The following GRTP1 variants were observed in gnomAD, a reference collection of about 807,000 sequenced individuals.
GRTP1 encodes growth hormone regulated TBC protein 1.
GRTP1 carries 56 observed loss-of-function variants against 38.1 expected under a neutral mutation model. That is an observed-to-expected ratio of 1.47 (90% CI 1.19 to 1.84). The LOEUF is 1.84. GRTP1 is among the 40% of genes most tolerant of loss of function. The probability of loss-of-function intolerance (pLI) is 0.00; values close to 1 mark genes in which losing one functional copy is unlikely to be tolerated. For synonymous variants in GRTP1, 217 were observed against 189.5 expected (o/e 1.14, Z -1.19); for missense variants, 506 against 453.9 (o/e 1.11, Z -1.04).
intron 4 of GRTP1, among the ~76,000 whole-genome samples, chr13:113,350,614 C>T (rs559368178): frequency 1.8e-4 from 28 of 152,108 alleles, no homozygotes; most frequent in Non-Finnish European, 3.5e-4. Flanking sequence ...ACAGCACTCG[C>T]CCTCTGTGTC....
intron 7 of GRTP1, chr13:113,325,047 C>G: frequency 2.3e-6 from 2 of 878,828 alleles, no homozygotes; most frequent in South Asian, 9.7e-5. Flanking sequence ...CCAGGCTGGT[C>G]TTGAACTCCT....
intron 4 of GRTP1, among the ~76,000 whole-genome samples, chr13:113,347,674 G>A (rs1370844621): frequency 7.8e-5 from 6 of 76,988 alleles, no homozygotes; most frequent in East Asian, 2.6e-4. Context: ...GGACCTCTGT[G>A]GCAGAGAGCA....
At chr13:113,324,713 G>C in intron 7 of GRTP1, 136 bp from the exon 8 acceptor site, 1 of 1,433,950 alleles carries the variant, frequency 7.0e-7, no homozygotes, top group Non-Finnish European at 9.2e-7. Context: ...CTTCTGGGGT[G>C]ACCCACAGAT....
Position 113,326,069 on chromosome 13 carries a change from C to T in GRTP1, c.585G>A (p.Leu195=). ...ILPDYYSPAM[L]GLKTDQEVLG... is the part of the protein sequence containing the mutation. ...GGACCTCCTGGTCGGTCTTCAGGCC[C>T]AGCATGGCCGGGCTGTAGTAATCTG... Residue 195 remains leucine, a synonymous_variant, in exon 6 of 8, where the codon CTG becomes CTA. Coordinates refer to ENST00000375431, the MANE Select transcript of GRTP1 (RefSeq NM_024719.4). 3 of 1,610,972 alleles carry T rather than the reference C, an allele frequency of 1.9e-6. No individual in the cohort carries two copies. Among genetic ancestry groups the T allele is most frequent in the Non-Finnish European group, 1.7e-6 (2 of 1,179,960 alleles).
Position 113,324,559 on chromosome 13 carries a change from C to T in GRTP1, c.940G>A (p.Gly314Arg), listed in dbSNP as rs1211683954. Residue 314 changes from glycine (G) to arginine (R), a missense_variant, in exon 8 of 8, where the codon GGA becomes AGA. By Grantham distance (125) the Gly-to-Arg change is moderately radical. Transcript: ENST00000375431. ...TFMQKIFSEPGSLSMATVAKL... is the reference protein window; with the variant it reads ...TFMQKIFSEPRSLSMATVAKL... ...GCGACGGTGGCCATGGATAAGCTTC[C>T]AGGTTCTGAAAATATTTTCTGGAAG... The T allele has an allele frequency of 6.2e-7, 1 of 1,609,900 alleles. No individual in the cohort carries two copies. Among genetic ancestry groups the T allele is most frequent in the Non-Finnish European group, 8.5e-7 (1 of 1,178,370 alleles).
At chr13:113,331,164 G>GTGTGTTGTCTGTGCAT (rs2042865421) in intron 5 of GRTP1, among the ~76,000 whole-genome samples, 1 of 152,168 alleles carries the variant, frequency 6.6e-6, no homozygotes, top group Admixed American at 6.5e-5. Flanking sequence ...GTGTGTGCAT[G>GTGTGTTGTCTGTGCAT]GAAACCGGTC....
intron 5 of GRTP1, among the ~76,000 whole-genome samples, chr13:113,330,163 G>A (rs2042838919): frequency 6.6e-6 from 1 of 150,474 alleles, no homozygotes; most frequent in African/African-American, 2.5e-5. Flanking sequence ...TCAGGTGCGT[G>A]CATGGGAGCC....
chr13:113,326,055 T>G lies in GRTP1; in HGVS notation c.599A>C (p.Asp200Ala). The G allele has an allele frequency of 1.2e-6, 2 of 1,611,650 alleles. No homozygotes were observed. The highest frequency in any genetic ancestry group is 2.2e-5 in the South Asian group (2 of 91,012). Residue 200 changes from aspartate (D) to alanine (A), a missense_variant, in exon 6 of 8, where the codon GAC becomes GCC. By Grantham distance (126) the Asp-to-Ala change is moderately radical. Transcript: ENST00000375431. ...YSPAMLGLKTDQEVLGELVRA... is the reference protein window; with the variant it reads ...YSPAMLGLKTAQEVLGELVRA... The stretch of plus-strand genomic sequence containing the variant: ...CACCAGCTCCCCGAGGACCTCCTGG[T>G]CGGTCTTCAGGCCCAGCATGGCCGG...
chr13:113,334,505 C>A, intron 5 of GRTP1, among the ~76,000 whole-genome samples: 1 of 152,126 alleles, frequency 6.6e-6, no homozygotes, highest in East Asian at 1.9e-4. Flanking sequence ...ACCACTCTTG[C>A]GGATTCTCAA....
intron 5 of GRTP1, chr13:113,339,311 T>G (rs1290255188): frequency 6.6e-6 from 1 of 152,218 alleles, no homozygotes. Context: ...GCAGCTTATC[T>G]TTTTACTTTG....
chr13:113,341,085 C>A (rs777452346), intron 5 of GRTP1, among the ~76,000 whole-genome samples: 1 of 150,352 alleles, frequency 6.7e-6, no homozygotes, highest in Non-Finnish European at 1.5e-5. Context: ...CTCACTCTGT[C>A]GCCCAGGCTG....
chr13:113,326,047 C>T lies in GRTP1; in HGVS notation c.607G>A (p.Val203Ile), dbSNP rs752731254. ...TTCGCCCGCACCAGCTCCCCGAGGACCTCCTGGTCGGTCTTCAGGCCCAGC... is the reference window on the plus strand; with the variant it reads ...TTCGCCCGCACCAGCTCCCCGAGGATCTCCTGGTCGGTCTTCAGGCCCAGC... ...AMLGLKTDQE[V>I]LGELVRAKLP... Residue 203 changes from valine to isoleucine, a missense_variant, in exon 6 of 8, where the codon GTC becomes ATC. Physicochemically the swap from Val to Ile is conservative, Grantham distance 29 (BLOSUM62 3). Transcript: ENST00000375431. 6.2e-7 allele frequency: 1 copy of T among 1,612,712 alleles called. No homozygotes were observed.
chr13:113,350,946 A>G lies in GRTP1; in HGVS notation c.368T>C (p.Val123Ala), dbSNP rs1205292842. The change falls in exon 4 of 8, where the codon GTG becomes GCG. Residue 123 changes from valine to alanine, a missense_variant. Transcript: ENST00000375431. ...GGGGTCCGTGGTCTTCCGGAACTTC[A>G]CGTTGTCGGGGAAGGTCCGGTTCAG... ...TDLNRTFPDN[V>A]KFRKTTDPCL... 1 of 1,613,686 alleles carries G rather than the reference A, an allele frequency of 6.2e-7. No individual in the cohort carries two copies. The highest frequency in any genetic ancestry group is 1.7e-5 in the Admixed American group (1 of 60,008).
At chr13:113,344,137 C>T (rs574204176) in intron 5 of GRTP1, among the ~76,000 whole-genome samples, 33 of 152,334 alleles carry the variant, frequency 2.2e-4, no homozygotes, top group African/African-American at 7.5e-4. Context: ...TTATTATGCT[C>T]TTACTAGTAT....
chr13:113,338,688 CG>C (rs2042987529), intron 5 of GRTP1, among the ~76,000 whole-genome samples: 1 of 152,168 alleles, frequency 6.6e-6, no homozygotes, highest in Non-Finnish European at 1.5e-5. Context: ...CACTGCCCCA[CG>C]GCAGGGAGCT....
rs2043046874 is a variant in GRTP1 at position 113,342,959 on chromosome 13, T to C, written c.562+1904A>G. 6.6e-6 allele frequency among the ~76,000 whole-genome samples: 1 copy of C among 152,076 alleles called. No individual in the cohort carries two copies. The highest frequency in any genetic ancestry group is 2.1e-4 in the South Asian group (1 of 4,828). ...GCGGGGCCTGCTCCTGCCCTCTAGG[T>C]TGGTGCTGAGCCCTCCGACCTGAGC... is the stretch of plus-strand genomic sequence containing the variant. On this transcript the variant is annotated intron_variant, in intron 5 of 7. Transcript: ENST00000375431. This position sits in a 1 kb window ranked among gnomAD's most constrained non-coding sequence, Gnocchi z 4.5.
In GRTP1 at chr13:113,342,880, A is replaced by G. The variant is rs969015488; in HGVS notation, c.562+1983T>C. Among the ~76,000 whole-genome samples, 1 of 152,162 alleles carries G rather than the reference A, an allele frequency of 6.6e-6. No individual in the cohort carries two copies. Among genetic ancestry groups the G allele is most frequent in the Non-Finnish European group, 1.5e-5 (1 of 68,038 alleles). On this transcript the variant is annotated intron_variant, in intron 5 of 7. Coordinates refer to ENST00000375431, the MANE Select transcript of GRTP1 (RefSeq NM_024719.4). The surrounding 1 kb of genome is among the most constrained non-coding windows in gnomAD (Gnocchi z 4.5). ...CGTTCAACTTAATCTCATAATGAATATCGGAAGTGACGTCGTACGGACTGA... is the reference window on the plus strand; with the variant it reads ...CGTTCAACTTAATCTCATAATGAATGTCGGAAGTGACGTCGTACGGACTGA...
At chr13:113,359,502 T>A (rs948842059) in intron 2 of GRTP1, 1 of 152,236 alleles carries the variant, frequency 6.6e-6, no homozygotes, top group African/African-American at 2.4e-5. Context: ...GGAGGATTGC[T>A]CCTCTAGGCT....
chr13:113,327,885 C>T (rs1051194658), intron 5 of GRTP1, among the ~76,000 whole-genome samples: 5 of 152,222 alleles, frequency 3.3e-5, no homozygotes, highest in African/African-American at 1.2e-4. Context: ...AGACACACAG[C>T]CTGACCTTGG....
Sources: allele counts gnomAD v4.1 joint callset (sites outside exome capture counted in the v4.1 genomes callset), GRCh38; gene constraint gnomAD v4.1.1; non-coding constraint Gnocchi (gnomAD v3.1); transcripts MANE v1.5; gene names NCBI Gene and HGNC (gene_info 2026-07-23, HGNC 2026-07-21).